LMF1: variants seen among roughly 807,000 people sequenced by gnomAD.
LMF1 encodes lipase maturation factor 1.
A neutral mutation model predicts 60.6 loss-of-function variants in LMF1; 68 were observed. That is an observed-to-expected ratio of 1.12 (90% confidence interval 0.92 to 1.37). The LOEUF (loss-of-function observed/expected upper bound fraction) is 1.37. Among genes scored for constraint, LMF1 ranks in the 40% most tolerant of loss-of-function variants. The probability of loss-of-function intolerance (pLI) is 0.00; values close to 1 mark genes in which losing one functional copy is unlikely to be tolerated. For missense variants in LMF1, 948 were observed against 767.2 expected, an observed-to-expected ratio of 1.24 and a Z score of -2.78; for synonymous variants, 418 against 324.7, an observed-to-expected ratio of 1.29 and a Z score of -3.09.
At chr16:941,229 T>A (rs2072093218) in intron 2 of LMF1, among the ~76,000 whole-genome samples, 2 of 151,692 alleles carry the variant, frequency 1.3e-5, no homozygotes, top group African/African-American at 2.4e-5. Context: ...CTGATTTTTT[T>A]AAATTGATTT....
At chr16:902,640 C>G (rs1221468579) in intron 4 of LMF1, 2 of 166,966 alleles carry the variant, frequency 1.2e-5, no homozygotes, top group Non-Finnish European at 2.5e-5. Flanking sequence ...GCATCGCCCA[C>G]AGGACGCCTG....
intron 6 of LMF1, among the ~76,000 whole-genome samples, chr16:879,041 G>T (rs1463488451): frequency 6.6e-6 from 1 of 152,116 alleles, no homozygotes; most frequent in Non-Finnish European, 1.5e-5. Flanking sequence ...CAGGGGGCTT[G>T]TGGGGCAGGG....
Position 854,761 on chromosome 16 carries a change from C to T in LMF1, c.1530-55G>A, listed in dbSNP as rs538783399. On this transcript the variant is annotated intron_variant, in intron 10 of 10. Transcript: ENST00000262301. Reference sequence around the variant, plus strand: ...CTGCTGGGACTCCCGGCCCCCGACCCGGCTCCTCAGCCTGCTGCTGAGCTG... The same window carrying T: ...CTGCTGGGACTCCCGGCCCCCGACCTGGCTCCTCAGCCTGCTGCTGAGCTG... 1.3e-4 allele frequency: 190 copies of T among 1,484,674 alleles called. 2 individuals carry two copies. In the East Asian group the frequency reaches 4.1e-3, roughly 32 times the overall value. 92.0% of individuals were successfully genotyped at this position (1,484,674 alleles called of 1,614,324 possible).
At chr16:977,591 G>A (rs1242626463) in intron 1 of LMF1, among the ~76,000 whole-genome samples, 2 of 152,172 alleles carry the variant, frequency 1.3e-5, no homozygotes, top group Non-Finnish European at 2.9e-5. Context: ...GCTGCCAGCG[G>A]GTTCACGCCC....
In LMF1 at chr16:893,006, C is replaced by A; in HGVS notation, c.729+1G>T. On this transcript the variant is annotated splice_donor_variant, in intron 5 of 10. Coordinates refer to ENST00000262301, the MANE Select transcript of LMF1 (RefSeq NM_022773.4). LOFTEE classifies it high-confidence loss of function. ...GCCCTCACGCTGCACGGCACGCTCA[C>A]CTCATAGTGGAAGTCCATGCAGGTG... 6.5e-7 allele frequency: 1 copy of A among 1,549,588 alleles called. No homozygotes were observed. Among genetic ancestry groups the A allele is most frequent in the Non-Finnish European group, 8.7e-7 (1 of 1,146,204 alleles).
At position 931,670 on chromosome 16, in the gene LMF1, A is replaced by G; in HGVS notation, c.514+2574T>C. ...AGTAACTGGCAGCTCTATGTTCTCC[A>G]AGATCAGGGAAGGGAAGACAGTTCA... On this transcript the variant is annotated intron_variant, in intron 3 of 10. Transcript: ENST00000262301. The G allele has an allele frequency of 3.1e-6, 4 of 1,287,156 alleles. No individual in the cohort carries two copies. The South Asian group carries it at 3.7e-5, about 12-fold the overall frequency. 79.7% of individuals were successfully genotyped at this position (1,287,156 alleles called of 1,614,324 possible). A position where few individuals can be genotyped will look rare whatever the true frequency, so the allele number is the denominator to read the frequency against.
At chr16:911,310 T>G (rs2071106171) in intron 3 of LMF1, among the ~76,000 whole-genome samples, 1 of 152,014 alleles carries the variant, frequency 6.6e-6, no homozygotes, top group Admixed American at 6.5e-5. Flanking sequence ...TCCTGTGACC[T>G]CGGCACCCTT....
intron 3 of LMF1, among the ~76,000 whole-genome samples, chr16:932,717 C>A (rs550259600): frequency 4.3e-4 from 65 of 152,268 alleles, no homozygotes; most frequent in Admixed American, 2.5e-3. Context: ...ACTGCACCCA[C>A]CCTGTTGTAA....
chr16:937,299 T>C (rs1357856050), intron 2 of LMF1, among the ~76,000 whole-genome samples: 1 of 152,244 alleles, frequency 6.6e-6, no homozygotes, highest in Non-Finnish European at 1.5e-5. Context: ...ACCGACTCCG[T>C]GGAGTTCTTC....
chr16:957,261 CG>C (rs1567321813), intron 1 of LMF1, among the ~76,000 whole-genome samples: 2 of 152,178 alleles, frequency 1.3e-5, no homozygotes, highest in African/African-American at 4.8e-5. Context: ...CTTCCTACTG[CG>C]TGTAGGAATC....
At chr16:885,303 G>T (rs764923373) in intron 5 of LMF1, among the ~76,000 whole-genome samples, 1 of 152,182 alleles carries the variant, frequency 6.6e-6, no homozygotes, top group Non-Finnish European at 1.5e-5. Flanking sequence ...CCAGAGGAAG[G>T]TGTAAAATAA....
At chr16:956,705 G>A (rs567923048) in intron 1 of LMF1, among the ~76,000 whole-genome samples, 7 of 151,706 alleles carry the variant, frequency 4.6e-5, no homozygotes, top group South Asian at 2.1e-4. Context: ...TTAGCTGGGC[G>A]TTGTGGCAGG....
chr16:875,263 C>T (rs985475547), intron 6 of LMF1, among the ~76,000 whole-genome samples: 12 of 152,204 alleles, frequency 7.9e-5, no homozygotes, highest in African/African-American at 2.9e-4. Flanking sequence ...CCCCACCAGG[C>T]AGCGGACTCC....
intron 2 of LMF1, among the ~76,000 whole-genome samples, chr16:944,696 G>C (rs974073578): frequency 6.6e-5 from 10 of 152,198 alleles, no homozygotes; most frequent in African/African-American, 2.2e-4. Flanking sequence ...TTATTTTAAA[G>C]TATTGTTTCA....
At position 895,420 on chromosome 16, in the gene LMF1, C is replaced by T. The variant is rs1299254998; in HGVS notation, c.664-2348G>A. On this transcript the variant is annotated intron_variant, in intron 4 of 10. Coordinates refer to ENST00000262301, the MANE Select transcript of LMF1 (RefSeq NM_022773.4). Reference sequence around the variant, plus strand: ...AGGGACCCCAGGCCAGCCAGGCCAACAGAAAACCAACCACACACGGGAGGG... The same window carrying T: ...AGGGACCCCAGGCCAGCCAGGCCAATAGAAAACCAACCACACACGGGAGGG... 2.6e-5 allele frequency among the ~76,000 whole-genome samples: 4 copies of T among 152,348 alleles called. No homozygotes were observed. The South Asian group carries it at 6.2e-4, about 24-fold the overall frequency.
chr16:942,663 G>A (rs1464330571), intron 2 of LMF1, among the ~76,000 whole-genome samples: 1 of 137,962 alleles, frequency 7.2e-6, no homozygotes, highest in Non-Finnish European at 1.6e-5. Flanking sequence ...ACCACCTGGT[G>A]CTATTTGCCC....
intron 3 of LMF1, among the ~76,000 whole-genome samples, chr16:917,921 C>T (rs1308234777): frequency 2.6e-5 from 4 of 152,234 alleles, no homozygotes; most frequent in Non-Finnish European, 5.9e-5. Flanking sequence ...TTCACAGCTG[C>T]GTCTGCCCGC....
intron 10 of LMF1, among the ~76,000 whole-genome samples, chr16:866,867 G>A (rs902204072): frequency 4.6e-5 from 7 of 152,290 alleles, no homozygotes; most frequent in South Asian, 2.1e-4. Flanking sequence ...AAATGAGGCC[G>A]AAAGCAAGCC....
intron 9 of LMF1, chr16:869,273 C>A: frequency 1.5e-6 from 1 of 671,194 alleles, no homozygotes; most frequent in Non-Finnish European, 2.7e-6. Flanking sequence ...GCTGGCTTCG[C>A]TCCCCTGGCT....
Sources: allele counts gnomAD v4.1 joint callset (sites outside exome capture counted in the v4.1 genomes callset), GRCh38; gene constraint gnomAD v4.1.1; transcripts MANE v1.5; gene names NCBI Gene and HGNC (gene_info 2026-07-23, HGNC 2026-07-21).